The following PDXDC1 variants were observed in gnomAD, a reference collection of about 807,000 sequenced individuals.
PDXDC1 encodes the protein pyridoxal-dependent decarboxylase domain-containing protein 1.
A neutral mutation model predicts 100.1 loss-of-function variants in PDXDC1; 42 were observed. The observed-to-expected ratio is 0.42, with a 90% confidence interval of 0.33 to 0.54. The LOEUF (loss-of-function observed/expected upper bound fraction) is 0.54. Among genes scored for constraint, PDXDC1 ranks in the 20% least tolerant of loss-of-function variants. The pLI is 0.10. For missense variants in PDXDC1, 636 were observed against 979.2 expected, an observed-to-expected ratio of 0.65 and a Z score of 4.68; for synonymous variants, 260 against 371.7, an observed-to-expected ratio of 0.70 and a Z score of 3.46.
rs1281106058 is a variant in PDXDC1 at position 14,975,325 on chromosome 16, G to A, written c.21+105G>A. ...AGCTGCCATTGTGACCCGGACAGGG[G>A]GACGCGGGCTGACAGGCCCTGCCTG... On this transcript the variant is annotated intron_variant, in intron 1 of 22. Coordinates refer to ENST00000396410, the MANE Select transcript of PDXDC1 (RefSeq NM_015027.4). 3 of 1,354,388 alleles carry A rather than the reference G, an allele frequency of 2.2e-6. No homozygotes were observed. The East Asian group carries it at 9.1e-5, about 41-fold the overall frequency. 83.9% of individuals were successfully genotyped at this position (1,354,388 alleles called of 1,614,324 possible).
chr16:15,063,715 A>AG (rs1162525795), intron 16 of PDXDC1, among the ~76,000 whole-genome samples: 5 of 151,102 alleles, frequency 3.3e-5, no homozygotes, highest in African/African-American at 1.2e-4. Context: ...AAAAAAAAAA[A>AG]AAAAAAAGAA....
chr16:15,128,135 C>T (rs779337446), intron 16 of PDXDC1: 17 of 1,610,040 alleles, frequency 1.1e-5, no homozygotes, highest in Non-Finnish European at 1.4e-5. Context: ...AGGGCTGAGC[C>T]CTGCAGAGGC....
chr16:15,053,167 A>G (rs1292001845), intron 16 of PDXDC1, among the ~76,000 whole-genome samples: 1 of 152,254 alleles, frequency 6.6e-6, no homozygotes, highest in African/African-American at 2.4e-5. Context: ...GCTCGTGGCT[A>G]CTGTACTGAA....
the PDXDC1 span, among the ~76,000 whole-genome samples, chr16:15,150,542 G>A: frequency 8.0e-5 from 12 of 150,414 alleles, no homozygotes; most frequent in South Asian, 2.1e-4. Flanking sequence ...GGTGGCGCGC[G>A]CCTGTAATCC....
intron 16 of PDXDC1, among the ~76,000 whole-genome samples, chr16:15,087,450 A>G (rs1263335529): frequency 1.3e-5 from 2 of 152,216 alleles, no homozygotes; most frequent in Non-Finnish European, 2.9e-5. Context: ...GGTCAAGGCT[A>G]TCCTCTGTCC....
the PDXDC1 span, among the ~76,000 whole-genome samples, chr16:15,146,853 G>A: frequency 2.0e-5 from 3 of 151,974 alleles, no homozygotes; most frequent in African/African-American, 4.8e-5. Context: ...GCTGAGCCAG[G>A]TCACTGCTAC....
intron 14 of PDXDC1, among the ~76,000 whole-genome samples, chr16:15,027,946 C>G (rs1361789256): frequency 2.3e-4 from 35 of 152,386 alleles, no homozygotes; most frequent in African/African-American, 8.2e-4. Flanking sequence ...CCTTTCTCTC[C>G]CCAGCACTTC....
At chr16:15,063,958 G>C (rs540675618) in intron 16 of PDXDC1, among the ~76,000 whole-genome samples, 80 of 152,104 alleles carry the variant, frequency 5.3e-4, no homozygotes, top group Non-Finnish European at 9.3e-4. Flanking sequence ...TTATATTTCT[G>C]TAGTAATTTG....
intron 16 of PDXDC1, chr16:15,076,628 A>G: frequency 1.2e-6 from 2 of 1,612,396 alleles, no homozygotes; most frequent in Non-Finnish European, 1.7e-6. Context: ...AGCATCTTCA[A>G]TACCCTGCCG....
chr16:14,990,164 G>A (rs1470856284), intron 1 of PDXDC1: 2 of 1,357,846 alleles, frequency 1.5e-6, no homozygotes, highest in Non-Finnish European at 1.9e-6. Flanking sequence ...GCCACATCGG[G>A]CCGCCAGGCG....
At chr16:15,038,916 C>T (rs1420937440), downstream of PDXDC1, among the ~76,000 whole-genome samples, 2 of 152,142 alleles carry the variant, frequency 1.3e-5, no homozygotes. Flanking sequence ...TCCCACAGGA[C>T]GAGGGTGTTT....
At chr16:15,099,898 G>A (rs1478622156) in intron 16 of PDXDC1, among the ~76,000 whole-genome samples, 1 of 152,216 alleles carries the variant, frequency 6.6e-6, no homozygotes, top group Admixed American at 6.5e-5. Flanking sequence ...TACCCCTAGA[G>A]TAGTTCTGTT....
At position 15,034,381 on chromosome 16, in the gene PDXDC1, G is replaced by A. The variant is rs1261384571; in HGVS notation, c.1905+3G>A. On this transcript the variant is annotated splice_donor_region_variant and intron_variant, in intron 20 of 22. Transcript: ENST00000396410. ...GTGAAGAACGGCTTCTGGAAGAGGT[G>A]AGGCCCCCGATGGGCAGCAGGCTGG... is the stretch of plus-strand genomic sequence containing the variant. 6.2e-7 allele frequency: 1 copy of A among 1,613,574 alleles called. No homozygotes were observed. The highest frequency in any genetic ancestry group is 8.5e-7 in the Non-Finnish European group (1 of 1,179,988).
intron 16 of PDXDC1, chr16:15,047,662 GA>G: frequency 3.1e-6 from 3 of 953,726 alleles, no homozygotes; most frequent in Non-Finnish European, 5.1e-6. Context: ...TCCTGTAGGG[GA>G]AAAACGGACA....
intron 16 of PDXDC1, among the ~76,000 whole-genome samples, chr16:15,090,873 GTTT>G (rs4012873): frequency 7.0e-5 from 9 of 128,176 alleles, no homozygotes; most frequent in Non-Finnish European, 1.0e-4. Context: ...TCAGTGGTTT[GTTT>G]TTTTTTTTTT....
At chr16:15,060,350 A>C (rs566919661) in intron 16 of PDXDC1, 1 of 201,820 alleles carries the variant, frequency 5.0e-6, no homozygotes, top group Non-Finnish European at 1.0e-5. Flanking sequence ...CCAAAACTTT[A>C]AAGCAATAAA....
intron 1 of PDXDC1, chr16:14,989,100 T>C: frequency 1.2e-6 from 2 of 1,614,248 alleles, no homozygotes; most frequent in Non-Finnish European, 1.7e-6. Flanking sequence ...AGACGGCCTG[T>C]GGGTGTCAGT....
intron 11 of PDXDC1, among the ~76,000 whole-genome samples, chr16:15,018,417 AAATAAT>A (rs1336770800): frequency 4.6e-5 from 7 of 152,258 alleles, no homozygotes; most frequent in Admixed American, 2.0e-4. Context: ...CTGTCACAAA[AAATAAT>A]AATAATAATG....
chr16:15,056,912 G>A (rs757601500), intron 16 of PDXDC1, among the ~76,000 whole-genome samples: 4 of 152,160 alleles, frequency 2.6e-5, no homozygotes, highest in Non-Finnish European at 5.9e-5. Flanking sequence ...GGTGGGCTGG[G>A]AACCGTGGGG....
Sources: gnomAD v4.1 joint callset for allele counts (sites outside exome capture counted in the v4.1 genomes callset) on GRCh38, gnomAD v4.1.1 for gene constraint, MANE v1.5 for transcripts, NCBI Gene and HGNC (gene_info 2026-07-23, HGNC 2026-07-21) for gene names.